Variants in ZNF185 observed in about 807,000 individuals in gnomAD.
The protein encoded by ZNF185 is zinc finger protein 185 with LIM domain, also known as zinc finger protein 185.
In ZNF185, 56 loss-of-function variants were observed where a neutral mutation model predicts 58.6. The ratio of observed to expected loss-of-function variants is 0.95; its 90% CI spans 0.77 to 1.19. ZNF185 has a LOEUF of 1.19. ZNF185 is among the 50% of genes most tolerant of loss of function. The pLI is 0.00. For missense variants in ZNF185, 627 were observed against 573.5 expected, an observed-to-expected ratio of 1.09 and a Z score of -0.95; for synonymous variants, 230 against 215.9, an observed-to-expected ratio of 1.07 and a Z score of -0.57.
chrX:152,914,661 TC>T, intron 1 of ZNF185, 48 bp from the exon 3 acceptor site: 1 of 1,186,747 alleles, frequency 8.4e-7, no homozygotes, highest in East Asian at 3.0e-5. Flanking sequence ...AGGTCGAGGG[TC>T]CTGGGGCTGC....
At position 152,965,359 on chromosome X, in the gene ZNF185, C is replaced by T. The variant is rs372366059; in HGVS notation, c.1719-88C>T. 8.9e-5 allele frequency: 79 copies of T among 884,789 alleles called. 5 individuals are homozygous for T. The East Asian group carries it at 9.3e-4, about 10-fold the overall frequency. The allele number at this position is 884,789 out of a possible 1,213,427, so 72.9% of individuals were successfully genotyped here. On this transcript the variant is annotated intron_variant, in intron 18 of 22. Transcript: ENST00000449285. ...ACTTCCTTCAAACCAGGCTGGGTCT[C>T]CCCAGCCCTGAACCACTCCTGTGGG...
At chrX:152,925,894 C>G (rs890276852) in intron 11 of ZNF185, among the ~76,000 whole-genome samples, 1 of 112,603 alleles carries the variant, frequency 8.9e-6, no homozygotes, top group African/African-American at 3.2e-5. Context: ...TGCCCTGTTT[C>G]CCTTAGCTAC....
chrX:152,937,901 G>A (rs182849408), intron 14 of ZNF185, among the ~76,000 whole-genome samples, 173 bp from the exon 17 acceptor site: 1 of 112,797 alleles, frequency 8.9e-6, no homozygotes, highest in African/African-American at 3.2e-5. Flanking sequence ...GCTGACATGA[G>A]GTTGTCACAC....
At chrX:152,938,791 G>C (rs912592005) in intron 15 of ZNF185, among the ~76,000 whole-genome samples, 6 of 109,637 alleles carry the variant, frequency 5.5e-5, no homozygotes, top group Non-Finnish European at 9.5e-5. Flanking sequence ...CTAGGTCTCT[G>C]TGCCTCCTGG....
In ZNF185 at chrX:152,937,974, G is replaced by C. The variant is rs1159448474; in HGVS notation, c.1122-100G>C. On this transcript the variant is annotated intron_variant, in intron 14 of 22. Transcript: ENST00000449285. ...ACACCAGCCTTTACTGGAAGACACA[G>C]TTCCTCCCTTTCTGGTGAGAAGGCA... The C allele has an allele frequency of 5.5e-5, 43 of 783,654 alleles. 1 individual carries two copies. Among genetic ancestry groups the C allele is most frequent in the Non-Finnish European group, 7.1e-5 (38 of 538,960 alleles). The allele number at this position is 783,654 out of a possible 1,213,427, so 64.6% of individuals were successfully genotyped here. A position where few individuals can be genotyped will look rare whatever the true frequency, so the allele number is the denominator to read the frequency against.
intron 15 of ZNF185, among the ~76,000 whole-genome samples, chrX:152,940,974 CCT>C (rs2047115807): frequency 1.8e-5 from 2 of 111,983 alleles, no homozygotes; most frequent in South Asian, 7.5e-4. Context: ...CTGACCTTCC[CCT>C]TTCTCATCAT....
At chrX:152,971,150 G>T (rs2050636675) in intron 22 of ZNF185, 124 bp from the exon 25 acceptor site, 1 of 112,098 alleles carries the variant, frequency 8.9e-6, no homozygotes, top group African/African-American at 3.2e-5. Context: ...CATGCTGATG[G>T]TCTTCTCTCC....
intron 15 of ZNF185, among the ~76,000 whole-genome samples, chrX:152,939,406 G>C (rs992659000): frequency 1.3e-4 from 15 of 112,164 alleles, no homozygotes; most frequent in African/African-American, 4.9e-4. Flanking sequence ...AGCATAGAAA[G>C]ATTAAGTGAC....
chrX:152,938,595 G>A (rs1477889574), intron 15 of ZNF185, among the ~76,000 whole-genome samples: 1 of 111,260 alleles, frequency 9.0e-6, no homozygotes, highest in East Asian at 2.8e-4. Flanking sequence ...TCAGCGATGA[G>A]TGTCCTTGTT....
At chrX:152,948,986 C>A (rs2048037401) in intron 16 of ZNF185, among the ~76,000 whole-genome samples, 1 of 111,532 alleles carries the variant, frequency 9.0e-6, no homozygotes, top group Non-Finnish European at 1.9e-5. Flanking sequence ...GGGGCCTGGA[C>A]TAGGGGACTA....
chrX:152,943,831 C>T (rs1157953037), intron 15 of ZNF185, among the ~76,000 whole-genome samples: 2 of 113,064 alleles, frequency 1.8e-5, no homozygotes, highest in African/African-American at 6.4e-5. Context: ...GTAAAGCTAA[C>T]TCAGGGCTAC....
rs781906157 is a variant in ZNF185 at position 152,959,688 on chromosome X, T to C, written c.1410-11T>C. The C allele has an allele frequency of 1.3e-5, 16 of 1,207,788 alleles. No homozygotes were observed. The Middle Eastern group carries it at 9.2e-4, about 70-fold the overall frequency. On this transcript the variant is annotated splice_polypyrimidine_tract_variant and intron_variant, in intron 16 of 22. Coordinates refer to ENST00000449285, the Ensembl canonical transcript of ZNF185. ...GGGCACTCACTTCATAAGGGTCTTATTCTTCCTCAGCGTGTTGACTGATTT... is the reference window on the plus strand; with the variant it reads ...GGGCACTCACTTCATAAGGGTCTTACTCTTCCTCAGCGTGTTGACTGATTT...
chrX:152,911,793 C>T (rs1937382891), upstream of ZNF185, among the ~76,000 whole-genome samples: 1 of 77,004 alleles, frequency 1.3e-5, no homozygotes, highest in South Asian at 8.9e-4. Flanking sequence ...CCATCCCATC[C>T]CATCCATCCC....
intron 5 of ZNF185, 79 bp downstream of exon 6, chrX:152,917,441 TCTGC>T (rs1376611418): frequency 9.1e-7 from 1 of 1,102,998 alleles, no homozygotes; most frequent in African/African-American, 1.8e-5. Context: ...GAGACAGTGC[TCTGC>T]CTATCAGGAC....
At chrX:152,960,974 G>T (rs781931127) in intron 17 of ZNF185, among the ~76,000 whole-genome samples, 3 of 112,434 alleles carry the variant, frequency 2.7e-5, no homozygotes, top group Non-Finnish European at 5.6e-5. Flanking sequence ...ATTGGCTCTT[G>T]CACTGGCAGG....
chrX:152,907,177 TCTC>T, the ZNF185 span, among the ~76,000 whole-genome samples: 1 of 111,671 alleles, frequency 9.0e-6, no homozygotes, highest in East Asian at 2.8e-4. Flanking sequence ...TCTGTGTCCA[TCTC>T]CTCACGCTCC....
chrX:152,938,312 A>G (rs1200464411), intron 15 of ZNF185, 149 bp downstream of exon 17: 2 of 492,335 alleles, frequency 4.1e-6, no homozygotes, highest in Admixed American at 4.0e-5. Context: ...CCCAACCAGA[A>G]CCCTCTGGCT....
chrX:152,914,512 G>A, exon 1 of ZNF185: 1 of 1,184,506 alleles, frequency 8.4e-7, no homozygotes, highest in Non-Finnish European at 1.1e-6. Context: ...GCTCTTGGAG[G>A]CCGCACCAAA....
chrX:152,903,646 G>A, the ZNF185 span, among the ~76,000 whole-genome samples: 14 of 111,305 alleles, frequency 1.3e-4, no homozygotes, highest in East Asian at 4.0e-3. Flanking sequence ...CCCTACAAGA[G>A]GGTCCCTGCC....
Sources: gnomAD v4.1 joint callset for allele counts (sites outside exome capture counted in the v4.1 genomes callset) on GRCh38, gnomAD v4.1.1 for gene constraint, MANE v1.5 for transcripts, NCBI Gene and HGNC (gene_info 2026-07-23, HGNC 2026-07-21) for gene names.